PCLO: variants seen among roughly 807,000 people sequenced by gnomAD.
The protein encoded by PCLO is piccolo presynaptic cytomatrix protein, also known as protein piccolo.
A neutral mutation model predicts 427.5 loss-of-function variants in PCLO; 82 were observed. The ratio of observed to expected loss-of-function variants is 0.19; its 90% CI spans 0.16 to 0.23. The LOEUF is 0.23. PCLO is among the 10% of genes least tolerant of loss of function. PCLO has a pLI of 1.00. For synonymous variants in PCLO, 2,357 were observed against 2,155.4 expected, an observed-to-expected ratio of 1.09 and a Z score of -2.59; for missense variants, 6,239 against 6,115.9, an observed-to-expected ratio of 1.02 and a Z score of -0.67.
intron 6 of PCLO, among the ~76,000 whole-genome samples, chr7:82,940,164 G>GT (rs1423344687): frequency 6.6e-6 from 1 of 152,148 alleles, no homozygotes; most frequent in Non-Finnish European, 1.5e-5. Flanking sequence ...ATCTGAGCTT[G>GT]TTGATTGGTG....
chr7:82,945,963 T>C (rs549703541), intron 6 of PCLO, among the ~76,000 whole-genome samples: 1 of 152,256 alleles, frequency 6.6e-6, no homozygotes, highest in Non-Finnish European at 1.5e-5. Context: ...GGATAAGAAC[T>C]ATGAAATATA....
At position 82,979,314 on chromosome 7, in the gene PCLO, A is replaced by T. The variant is rs980986136; in HGVS notation, c.3301-12827T>A. On this transcript the variant is annotated intron_variant, in intron 3 of 24. Transcript: ENST00000333891. Reference sequence around the variant, plus strand: ...ATGGAAAATTATATTGAATATTCTGATGTCGTTAAATTTGAAAACATGATT... The same window carrying T: ...ATGGAAAATTATATTGAATATTCTGTTGTCGTTAAATTTGAAAACATGATT... Among the ~76,000 whole-genome samples, 30 of 152,178 alleles carry T rather than the reference A, an allele frequency of 2.0e-4. 1 individual carries two copies. The East Asian group carries it at 5.4e-3, about 27-fold the overall frequency.
At chr7:83,025,981 T>G (rs548859111) in intron 3 of PCLO, among the ~76,000 whole-genome samples, 3,596 of 151,932 alleles carry the variant, frequency 0.024, 151 homozygotes, top group African/African-American at 0.082. Context: ...GAACAACCGG[T>G]ACCAGCCGCG....
chr7:83,123,235 T>C (rs1791333336), intron 3 of PCLO, among the ~76,000 whole-genome samples: 1 of 152,148 alleles, frequency 6.6e-6, no homozygotes. Flanking sequence ...ACTACAGTGC[T>C]GTAGTAACCA....
chr7:83,059,380 A>ATATATATATATAT (rs33911766), intron 3 of PCLO, among the ~76,000 whole-genome samples: 1 of 83,504 alleles, frequency 1.2e-5, no homozygotes, highest in Non-Finnish European at 2.1e-5. Context: ...ATATATATAT[A>ATATATATATATAT]AAAATGAAAA....
intron 16 of PCLO, among the ~76,000 whole-genome samples, chr7:82,831,479 C>T (rs149611258): frequency 1.8e-3 from 267 of 151,914 alleles, no homozygotes; most frequent in African/African-American, 5.9e-3. Flanking sequence ...TGTGTAGACA[C>T]GCATTATAAA....
intron 6 of PCLO, among the ~76,000 whole-genome samples, chr7:82,948,073 A>G (rs1795245586): frequency 6.6e-6 from 1 of 152,130 alleles, no homozygotes; most frequent in African/African-American, 2.4e-5. Flanking sequence ...GTGAATTTCT[A>G]GGCCAAACCT....
At chr7:83,145,957 T>TG (rs1791984193) in intron 2 of PCLO, among the ~76,000 whole-genome samples, 1 of 152,182 alleles carries the variant, frequency 6.6e-6, no homozygotes, top group Admixed American at 6.5e-5. Flanking sequence ...TCAAGAGGGA[T>TG]GGCAGACTTC....
intron 3 of PCLO, among the ~76,000 whole-genome samples, chr7:83,086,529 C>T (rs35749850): frequency 0.094 from 14,219 of 151,996 alleles, 893 homozygotes; most frequent in Non-Finnish European, 0.13. Context: ...ATATTAATAC[C>T]TGACTGTTTT....
chr7:82,797,867 A>G (rs1466704845), intron 22 of PCLO, among the ~76,000 whole-genome samples: 2 of 152,172 alleles, frequency 1.3e-5, no homozygotes, highest in Admixed American at 1.3e-4. Context: ...GTAAAACATT[A>G]TTAGAGAAAA....
chr7:83,034,926 A>C (rs1788758116), intron 3 of PCLO, among the ~76,000 whole-genome samples: 1 of 152,180 alleles, frequency 6.6e-6, no homozygotes, highest in Admixed American at 6.5e-5. Context: ...CAAATAAGTA[A>C]ATGTTTCTTA....
rs755637466 is a variant in PCLO at position 82,955,348 on chromosome 7, C to A, written c.5605G>T (p.Gly1869Cys). 1.2e-6 allele frequency: 2 copies of A among 1,613,594 alleles called. No homozygotes were observed. The highest frequency in any genetic ancestry group is 1.7e-5 in the Admixed American group (1 of 59,964). Residue 1869 changes from glycine to cysteine, a missense_variant, in exon 5 of 25, where the codon GGT becomes TGT. Transcript: ENST00000333891. ...YSPSIESDPEGFEISPEKIIE... is the reference protein window; with the variant it reads ...YSPSIESDPECFEISPEKIIE... The stretch of plus-strand genomic sequence containing the variant: ...ATTTTTTCCGGGCTTATTTCAAAAC[C>A]TTCTGGGTCTGACTCTATGCTAGGT...
chr7:82,998,959 G>A lies in PCLO; in HGVS notation c.3301-32472C>T, dbSNP rs982969905. On this transcript the variant is annotated intron_variant, in intron 3 of 24. Coordinates refer to ENST00000333891, the MANE Select transcript of PCLO (RefSeq NM_033026.6). ...ATATAACATGTAAGAACAGATGGAC[G>A]GTTTGAGCAGATAAATGAAAATATT... 2.0e-5 allele frequency among the ~76,000 whole-genome samples: 3 copies of A among 151,120 alleles called. No homozygotes were observed. In the Admixed American group the frequency reaches 2.0e-4, roughly 10 times the overall value.
intron 20 of PCLO, among the ~76,000 whole-genome samples, chr7:82,813,768 T>C (rs1791620986): frequency 1.3e-5 from 2 of 151,826 alleles, no homozygotes; most frequent in South Asian, 4.1e-4. Flanking sequence ...ATTCAGATCA[T>C]ATTTTTCATA....
Position 82,915,835 on chromosome 7 carries a change from C to T in PCLO, c.12151G>A (p.Asp4051Asn), listed in dbSNP as rs775671419. Residue 4051 changes from aspartate (D) to asparagine (N), a missense_variant, in exon 7 of 25, where the codon GAC (aspartate) becomes AAC (asparagine). Asp to Asn is a conservative substitution (Grantham distance 23). Coordinates refer to ENST00000333891, the MANE Select transcript of PCLO (RefSeq NM_033026.6). Reference protein sequence around the residue: ...HTPRNYVLIDDIGEITKGTAA... With the variant: ...HTPRNYVLIDNIGEITKGTAA... ...GTTCCTTTGGTGATCTCTCCAATGT[C>T]GTCAATTAGGACATAATTTCGTGGA... 7 of 1,613,394 alleles carry T rather than the reference C, an allele frequency of 4.3e-6. No homozygotes were observed. Among genetic ancestry groups the T allele is most frequent in the East Asian group, 2.2e-5 (1 of 44,764 alleles).
chr7:83,008,582 A>T (rs201418590), intron 3 of PCLO, among the ~76,000 whole-genome samples: 3 of 11,572 alleles, frequency 2.6e-4, no homozygotes, highest in South Asian at 7.1e-3. Context: ...TCTTTCCACC[A>T]ATTCAATACC....
At chr7:83,054,124 C>G (rs1256122718) in intron 3 of PCLO, among the ~76,000 whole-genome samples, 2 of 151,940 alleles carry the variant, frequency 1.3e-5, no homozygotes, top group African/African-American at 4.8e-5. Context: ...TGATAGTTTA[C>G]ATGATTCAGA....
At chr7:82,973,985 A>G (rs1795962436) in intron 3 of PCLO, among the ~76,000 whole-genome samples, 1 of 152,182 alleles carries the variant, frequency 6.6e-6, no homozygotes, top group Admixed American at 6.5e-5. Context: ...ATACTATTAC[A>G]TAAATAACAC....
intron 3 of PCLO, 57 bp from the exon 4 acceptor site, chr7:82,966,544 G>T: frequency 8.9e-7 from 1 of 1,120,446 alleles, no homozygotes; most frequent in South Asian, 2.2e-5. Flanking sequence ...ATCTGTTTCT[G>T]TGATTTTACC....
Sources: gnomAD v4.1 joint callset for allele counts (sites outside exome capture counted in the v4.1 genomes callset) on GRCh38, gnomAD v4.1.1 for gene constraint, MANE v1.5 for transcripts, NCBI Gene and HGNC (gene_info 2026-07-23, HGNC 2026-07-21) for gene names.